TPR: variants seen among roughly 807,000 people sequenced by gnomAD.
TPR encodes the protein translocated promoter region, nuclear basket protein, also known as nucleoprotein TPR.
TPR carries 51 observed loss-of-function variants against 316.1 expected under a neutral mutation model. The observed-to-expected ratio is 0.16, with a 90% CI of 0.13 to 0.20. The LOEUF (loss-of-function observed/expected upper bound fraction) is 0.20, where lower values mean the gene tolerates loss of function less well. Among genes scored for constraint, TPR ranks in the 10% least tolerant of loss-of-function variants. The probability of loss-of-function intolerance (pLI) is 1.00; values close to 1 mark genes in which losing one functional copy is unlikely to be tolerated. For missense variants in TPR, 2,272 were observed against 2,754.8 expected, an observed-to-expected ratio of 0.82 and a Z score of 3.92; for synonymous variants, 981 against 914.7, an observed-to-expected ratio of 1.07 and a Z score of -1.31.
At chr1:186,340,967 G>A (rs1359408529) in intron 29 of TPR, 61 bp downstream of exon 29, 1 of 1,569,318 alleles carries the variant, frequency 6.4e-7, no homozygotes, top group African/African-American at 1.4e-5. Flanking sequence ...ATTCCCCTAA[G>A]TTTCCCCTAT....
intron 27 of TPR, 61 bp from the exon 28 acceptor site, chr1:186,341,450 C>T: frequency 6.6e-7 from 1 of 1,521,696 alleles, no homozygotes; most frequent in Non-Finnish European, 8.9e-7. Context: ...TCTACCTGTT[C>T]CTATGAGCTC....
intron 40 of TPR, among the ~76,000 whole-genome samples, chr1:186,326,487 G>A (rs1418594038): frequency 6.6e-6 from 1 of 152,010 alleles, no homozygotes; most frequent in Non-Finnish European, 1.5e-5. Context: ...ATAGACCTCA[G>A]GTGTCAGCAA....
rs1347299812 is a variant in TPR at position 186,343,408 on chromosome 1, C to T, written c.3668G>A (p.Arg1223His). 3.7e-6 allele frequency: 6 copies of T among 1,614,100 alleles called. No homozygotes were observed. The highest frequency in any genetic ancestry group is 2.2e-5 in the East Asian group (1 of 44,862). Residue 1223 changes from arginine (R) to histidine (H), a missense_variant, in exon 27 of 51, where the codon CGT becomes CAT. Coordinates refer to ENST00000367478, the MANE Select transcript of TPR (RefSeq NM_003292.3). ...RFEVAQVESL[R>H]YRQRVELLER... The stretch of plus-strand genomic sequence containing the variant: ...TAAAAGTTCAACCCTTTGTCGATAA[C>T]GCAGACTCTCAACCTGAGCCACCTC...
At chr1:186,369,303 A>G (rs1335443620) in intron 3 of TPR, among the ~76,000 whole-genome samples, 5 of 152,018 alleles carry the variant, frequency 3.3e-5, no homozygotes, top group Admixed American at 3.3e-4. Flanking sequence ...ATGCCTTTGG[A>G]ATTCTGACAG....
At chr1:186,320,210 A>G (rs1657739432) in intron 46 of TPR, 102 bp downstream of exon 46, 1 of 989,812 alleles carries the variant, frequency 1.0e-6, no homozygotes, top group Non-Finnish European at 1.4e-6. Context: ...TATCAATTTT[A>G]AAAATATTCA....
intron 44 of TPR, 33 bp from the exon 45 acceptor site, chr1:186,322,445 A>C: frequency 6.2e-7 from 1 of 1,611,974 alleles, no homozygotes; most frequent in Non-Finnish European, 8.5e-7. Context: ...AACAAACAAA[A>C]CACCACACAT....
Position 186,362,937 on chromosome 1 carries a change from G to A in TPR, c.596C>T (p.Thr199Ile). Residue 199 changes from threonine (T) to isoleucine (I), a missense_variant, in exon 6 of 51, where the codon ACA (threonine) becomes ATA (isoleucine). Transcript: ENST00000367478. ...LLHSQNTWLNTELKTKTDELL... is the reference protein window; with the variant it reads ...LLHSQNTWLNIELKTKTDELL... ...TTCATCAGTTTTGGTTTTCAACTCT[G>A]TATTCAGCCATGTATTCTGACTATG... The A allele has an allele frequency of 5.6e-6, 9 of 1,611,118 alleles. No individual in the cohort carries two copies. Among genetic ancestry groups the A allele is most frequent in the Non-Finnish European group, 6.8e-6 (8 of 1,178,952 alleles).
At chr1:186,362,252 A>G (rs1558033929) in intron 7 of TPR, 36 bp downstream of exon 7, 2 of 1,546,342 alleles carry the variant, frequency 1.3e-6, no homozygotes, top group East Asian at 2.3e-5. Context: ...GTGCTTTAGT[A>G]TTTTGTAAAA....
At position 186,313,389 on chromosome 1, in the gene TPR, C is replaced by T; in HGVS notation, c.*582G>A. 2.7e-6 allele frequency: 1 copy of T among 371,706 alleles called. No homozygotes were observed. Among genetic ancestry groups the T allele is most frequent in the East Asian group, 4.6e-5 (1 of 21,720 alleles). The allele number at this position is 371,706 out of a possible 1,614,324, so 23.0% of individuals were successfully genotyped here. ...GGCATGTATTTTTTAAAAGGAATAA[C>T]CCCAAGTAAATTATTTTTCAAACTT... On this transcript the variant is annotated 3_prime_UTR_variant, in exon 51 of 51. Coordinates refer to ENST00000367478, the MANE Select transcript of TPR (RefSeq NM_003292.3).
Position 186,345,706 on chromosome 1 carries a change from A to C in TPR, c.3097-10T>G, listed in dbSNP as rs1230582295. The C allele has an allele frequency of 1.9e-6, 3 of 1,590,182 alleles. No homozygotes were observed. In the South Asian group the frequency reaches 3.3e-5, roughly 18 times the overall value. Reference sequence around the variant, plus strand: ...TCTTCAATTCAGATAACTAAGCAGAAAGAACAAGATTAAAACCAAAATTAA... The same window carrying C: ...TCTTCAATTCAGATAACTAAGCAGACAGAACAAGATTAAAACCAAAATTAA... On this transcript the variant is annotated splice_polypyrimidine_tract_variant and intron_variant, in intron 23 of 50. Coordinates refer to ENST00000367478, the MANE Select transcript of TPR (RefSeq NM_003292.3).
At position 186,327,581 on chromosome 1, in the gene TPR, A is replaced by G. The variant is rs756541265; in HGVS notation, c.5768T>C (p.Leu1923Pro). The G allele has an allele frequency of 5.0e-6, 8 of 1,612,810 alleles. No homozygotes were observed. The African/African-American group carries it at 1.1e-4, about 22-fold the overall frequency. The change falls in exon 40 of 51, where the codon CTT becomes CCT. Residue 1923 changes from leucine to proline, a missense_variant. Transcript: ENST00000367478. Reference protein sequence around the residue: ...SQSLQIDLGPLQSDQQTTTSS... With the variant: ...SQSLQIDLGPPQSDQQTTTSS... ...AGTTGTCGTCTGCTGATCTGATTGA[A>G]GTGGCCCAAGATCTATTTGTAGAGA...
At chr1:186,317,199 A>G (rs1657635949) in intron 49 of TPR, among the ~76,000 whole-genome samples, 1 of 152,250 alleles carries the variant, frequency 6.6e-6, no homozygotes, top group Non-Finnish European at 1.5e-5. Flanking sequence ...CAAGAGCTCT[A>G]CAAAACATAT....
intron 18 of TPR, among the ~76,000 whole-genome samples, chr1:186,352,708 G>GGA (rs1418316135): frequency 1.3e-5 from 2 of 152,154 alleles, no homozygotes. Flanking sequence ...TCCTCACAAT[G>GGA]GAGTTGGAGC....
chr1:186,375,061 C>T lies in TPR; in HGVS notation c.-33G>A, dbSNP rs1458028156. The T allele has an allele frequency of 6.2e-7, 1 of 1,613,506 alleles. No individual in the cohort carries two copies. Among genetic ancestry groups the T allele is most frequent in the Non-Finnish European group, 8.5e-7 (1 of 1,179,878 alleles). The stretch of plus-strand genomic sequence containing the variant: ...GGGCCAGGGACCCCAGTGGCAGCGG[C>T]CGACGGGGTAGAAGCGGAGAAGAAA... On this transcript the variant is annotated 5_prime_UTR_variant, in exon 1 of 51. Coordinates refer to ENST00000367478, the MANE Select transcript of TPR (RefSeq NM_003292.3).
chr1:186,335,269 C>G (rs1295616482), intron 34 of TPR, 69 bp downstream of exon 34: 3 of 1,580,900 alleles, frequency 1.9e-6, no homozygotes, highest in East Asian at 4.5e-5. Flanking sequence ...GCTCCTATAT[C>G]ACCAAGCACT....
intron 49 of TPR, among the ~76,000 whole-genome samples, chr1:186,317,040 T>C (rs1203706214): frequency 6.6e-6 from 1 of 152,212 alleles, no homozygotes; most frequent in African/African-American, 2.4e-5. Context: ...CCACATCAAA[T>C]CTCATGTAGA....
intron 22 of TPR, among the ~76,000 whole-genome samples, chr1:186,346,767 A>G (rs933239914): frequency 1.3e-5 from 2 of 152,170 alleles, no homozygotes; most frequent in Admixed American, 1.3e-4. Context: ...ATGACATGTT[A>G]AAAAAATCAA....
At chr1:186,368,708 T>C (rs1313657827) in intron 3 of TPR, among the ~76,000 whole-genome samples, 1 of 152,258 alleles carries the variant, frequency 6.6e-6, no homozygotes, top group Admixed American at 6.5e-5. Flanking sequence ...ATGTCAGAAC[T>C]GTAGGTTGCC....
At chr1:186,349,673 A>AAAT (rs1658799236) in intron 21 of TPR, among the ~76,000 whole-genome samples, 5 of 139,862 alleles carry the variant, frequency 3.6e-5, no homozygotes, top group Non-Finnish European at 7.7e-5. Flanking sequence ...AAAAAAAAAA[A>AAAT]AAATAAATAA....
Sources: gnomAD v4.1 joint callset for allele counts (sites outside exome capture counted in the v4.1 genomes callset) on GRCh38, gnomAD v4.1.1 for gene constraint, MANE v1.5 for transcripts, NCBI Gene and HGNC (gene_info 2026-07-23, HGNC 2026-07-21) for gene names.